TMEM132D: variants seen among roughly 807,000 people sequenced by gnomAD.
TMEM132D encodes the protein mature OL transmembrane protein.
Under a neutral mutation model 62.3 loss-of-function variants are expected in TMEM132D, and 21 were observed. The ratio of observed to expected loss-of-function variants is 0.34; its 90% CI spans 0.24 to 0.49. The LOEUF is 0.49. Among genes scored for constraint, TMEM132D ranks in the 20% least tolerant of loss-of-function variants. TMEM132D has a pLI of 0.99. For missense variants in TMEM132D, 1,346 were observed against 1,402.8 expected (o/e 0.96, Z 0.65); for synonymous variants, 621 against 575.6 (o/e 1.08, Z -1.13).
intron 5 of TMEM132D, among the ~76,000 whole-genome samples, chr12:129,159,703 G>T (rs1877343532): frequency 6.7e-6 from 1 of 150,008 alleles, no homozygotes; most frequent in African/African-American, 2.5e-5. Flanking sequence ...GGAGGTTGCA[G>T]TGAGCCTAGA....
At chr12:129,685,010 T>G (rs2137211777) in intron 2 of TMEM132D, among the ~76,000 whole-genome samples, 1 of 152,290 alleles carries the variant, frequency 6.6e-6, no homozygotes, top group Non-Finnish European at 1.5e-5. Flanking sequence ...GCATTTAGTT[T>G]TATGTATTCA....
At chr12:129,138,127 TCCC>T (rs1876639323) in intron 5 of TMEM132D, among the ~76,000 whole-genome samples, 1 of 152,086 alleles carries the variant, frequency 6.6e-6, no homozygotes, top group South Asian at 2.1e-4. Context: ...GAAGGTACCC[TCCC>T]AGGGTAAAGA....
At chr12:129,080,833 C>T (rs889792193) in intron 7 of TMEM132D, among the ~76,000 whole-genome samples, 2 of 152,172 alleles carry the variant, frequency 1.3e-5, no homozygotes, top group East Asian at 1.9e-4. Context: ...AATGACCAAA[C>T]CCTTACAAGC....
intron 4 of TMEM132D, among the ~76,000 whole-genome samples, chr12:129,296,557 A>G (rs4760027): frequency 0.59 from 88,764 of 151,720 alleles, 27,124 homozygotes; most frequent in East Asian, 0.99. Context: ...TTCTTTCCTC[A>G]AGTGACAGAT....
intron 3 of TMEM132D, among the ~76,000 whole-genome samples, chr12:129,438,289 T>C (rs1223049462): frequency 6.6e-6 from 1 of 152,318 alleles, no homozygotes; most frequent in African/African-American, 2.4e-5. Flanking sequence ...ATGGTATTTC[T>C]GGTTCTAGAT....
chr12:129,330,789 A>G (rs1869079173), intron 4 of TMEM132D, among the ~76,000 whole-genome samples: 1 of 152,214 alleles, frequency 6.6e-6, no homozygotes, highest in Admixed American at 6.5e-5. Context: ...CAAATCGCCC[A>G]GTGTCAGGCA....
chr12:129,210,566 A>C (rs1197444055), intron 4 of TMEM132D, among the ~76,000 whole-genome samples: 1 of 152,180 alleles, frequency 6.6e-6, no homozygotes, highest in East Asian at 1.9e-4. Flanking sequence ...TTGCTTTCAG[A>C]ATTAAGAATG....
intron 3 of TMEM132D, among the ~76,000 whole-genome samples, chr12:129,380,819 G>C (rs1417194672): frequency 6.6e-6 from 1 of 152,124 alleles, no homozygotes. Flanking sequence ...GAATTATACA[G>C]TATGTAACCT....
At chr12:129,409,253 G>T (rs1176723998) in intron 3 of TMEM132D, among the ~76,000 whole-genome samples, 1 of 152,032 alleles carries the variant, frequency 6.6e-6, no homozygotes, top group Non-Finnish European at 1.5e-5. Flanking sequence ...TCTTTTATTT[G>T]AAGTGTTCAT....
intron 3 of TMEM132D, among the ~76,000 whole-genome samples, chr12:129,460,105 G>T (rs1873611070): frequency 6.6e-6 from 1 of 152,156 alleles, no homozygotes; most frequent in East Asian, 1.9e-4. Flanking sequence ...AGACATCATA[G>T]TACGGCCACA....
At chr12:129,512,824 A>C (rs1457980404) in intron 3 of TMEM132D, among the ~76,000 whole-genome samples, 1 of 152,236 alleles carries the variant, frequency 6.6e-6, no homozygotes, top group Non-Finnish European at 1.5e-5. Context: ...GTCTCAAGAA[A>C]GAGCAAAGCA....
rs543792760 is a variant in TMEM132D, at chr12:129,689,932, C to A, written c.968+9878G>T. 1.3e-4 allele frequency among the ~76,000 whole-genome samples: 20 copies of A among 152,214 alleles called. No individual in the cohort carries two copies. The South Asian group carries it at 4.0e-3, about 30-fold the overall frequency. On this transcript the variant is annotated intron_variant, in intron 2 of 8. Coordinates refer to ENST00000422113, the MANE Select transcript of TMEM132D (RefSeq NM_133448.3). ...GGAGAACTGAGGTTGTAGGACAAAG[C>A]GCCACTCCCAAATGTGGAGAGACAG...
At chr12:129,215,830 G>C (rs775133053) in intron 4 of TMEM132D, among the ~76,000 whole-genome samples, 3 of 152,180 alleles carry the variant, frequency 2.0e-5, no homozygotes, top group African/African-American at 4.8e-5. Flanking sequence ...AAGAACAAAG[G>C]CATGTCTTAC....
intron 4 of TMEM132D, among the ~76,000 whole-genome samples, chr12:129,234,751 G>T (rs2135580580): frequency 6.6e-6 from 1 of 152,270 alleles, no homozygotes; most frequent in East Asian, 1.9e-4. Context: ...TTTAATAACT[G>T]ATAGAAATAT....
At chr12:129,270,646 TGTG>T (rs1880829193) in intron 4 of TMEM132D, among the ~76,000 whole-genome samples, 1 of 151,310 alleles carries the variant, frequency 6.6e-6, no homozygotes, top group Non-Finnish European at 1.5e-5. Context: ...AGTTCCATAT[TGTG>T]TGTGTGTGTG....
At chr12:129,368,245 A>ATATG (rs1555251299) in intron 3 of TMEM132D, among the ~76,000 whole-genome samples, 1 of 151,270 alleles carries the variant, frequency 6.6e-6, no homozygotes, top group Non-Finnish European at 1.5e-5. Flanking sequence ...CATATGCAAA[A>ATATG]TGTGTGTGTG....
intron 4 of TMEM132D, among the ~76,000 whole-genome samples, chr12:129,321,274 C>T (rs910972289): frequency 6.6e-6 from 1 of 152,118 alleles, no homozygotes; most frequent in Non-Finnish European, 1.5e-5. Flanking sequence ...ATCTTCCTAA[C>T]AAAAAGTCAA....
intron 1 of TMEM132D, among the ~76,000 whole-genome samples, chr12:129,808,114 T>C (rs1872053021): frequency 6.6e-6 from 1 of 152,238 alleles, no homozygotes; most frequent in Admixed American, 6.5e-5. Flanking sequence ...AAGGAGCTAG[T>C]TGCACACCGA....
chr12:129,420,447 G>A (rs184141365), intron 3 of TMEM132D, among the ~76,000 whole-genome samples: 3 of 151,094 alleles, frequency 2.0e-5, no homozygotes, highest in Non-Finnish European at 4.4e-5. Flanking sequence ...CTCAAATACC[G>A]TGAAGCACAG....
Sources: allele counts gnomAD v4.1 joint callset (sites outside exome capture counted in the v4.1 genomes callset), GRCh38; gene constraint gnomAD v4.1.1; transcripts MANE v1.5; gene names NCBI Gene and HGNC (gene_info 2026-07-23, HGNC 2026-07-21).